JADE1: variants seen among roughly 807,000 people sequenced by gnomAD.
The protein encoded by JADE1 is protein Jade-1.
Under a neutral mutation model 81.8 loss-of-function variants are expected in JADE1, and 14 were observed. That is an observed-to-expected ratio of 0.17 (90% confidence interval 0.11 to 0.27). The LOEUF (loss-of-function observed/expected upper bound fraction) is 0.27, where lower values mean the gene tolerates loss of function less well. JADE1 is among the 10% of genes least tolerant of loss of function. The pLI is 1.00. For synonymous variants in JADE1, 353 were observed against 391.9 expected (o/e 0.90, Z 1.17); for missense variants, 690 against 1,047.9 (o/e 0.66, Z 4.71).
Position 128,855,887 on chromosome 4 carries a change from A to AC in JADE1, c.864+90_864+91insC, listed in dbSNP as rs1730753434. 13 of 1,162,878 alleles carry AC rather than the reference A, an allele frequency of 1.1e-5. No individual in the cohort carries two copies. The Admixed American group carries it at 3.2e-4, about 29-fold the overall frequency. The allele number at this position is 1,162,878 out of a possible 1,614,324, so 72.0% of individuals were successfully genotyped here. ...AGGCTGGAGTGCAGTGAGCTGGATC[A>AC]TGGCTCACTGCAGCCTTGACCTGCT... On this transcript the variant is annotated intron_variant, in intron 7 of 10. Transcript: ENST00000226319.
rs1474521868 is a variant in JADE1 at position 128,828,382 on chromosome 4, A to G, written c.-26-3351A>G. Among the ~76,000 whole-genome samples the G allele has an allele frequency of 2.0e-5, 3 of 152,316 alleles. No homozygotes were observed. The South Asian group carries it at 6.2e-4, about 32-fold the overall frequency. On this transcript the variant is annotated intron_variant, in intron 1 of 10. Transcript: ENST00000226319. ...CCACTGTATTGTGTAGCTGAAAGAT[A>G]GTAACATGTATTTTGATTTTCTGAT...
At position 128,871,368 on chromosome 4, in the gene JADE1, C is replaced by T. The variant is rs143814495; in HGVS notation, c.1635C>T (p.Ser545=). The part of the protein sequence containing the change: ...EQERVSGVPS[S]CSSSSLENML... The stretch of plus-strand genomic sequence containing the variant: ...TTATGTTTATAGGTGTGCCTTCTTC[C>T]TGCTCCTCCTCCTCACTGGAAAACA... The change falls in exon 11 of 11, where the codon TCC becomes TCT. Residue 545 remains serine, a synonymous_variant. Coordinates refer to ENST00000226319, the MANE Select transcript of JADE1 (RefSeq NM_199320.4). This position sits in a 1 kb window ranked among gnomAD's most constrained non-coding sequence, Gnocchi z 4.1. The T allele has an allele frequency of 4.3e-6, 7 of 1,612,760 alleles. No individual in the cohort carries two copies. Among genetic ancestry groups the T allele is most frequent in the Non-Finnish European group, 5.9e-6 (7 of 1,179,106 alleles).
chr4:128,862,751 G>A (rs1731452709), intron 9 of JADE1: 1 of 1,003,862 alleles, frequency 1.0e-6, no homozygotes, highest in Non-Finnish European at 1.2e-6. Context: ...TGTTTCTTGG[G>A]TAATTCACAG....
At chr4:128,840,866 A>G (rs949447474) in intron 2 of JADE1, among the ~76,000 whole-genome samples, 1 of 152,272 alleles carries the variant, frequency 6.6e-6, no homozygotes, top group Non-Finnish European at 1.5e-5. Flanking sequence ...GGCCACCAGC[A>G]GGAGCTCCAG....
At position 128,872,737 on chromosome 4, in the gene JADE1, C is replaced by T. The variant is rs916606688; in HGVS notation, c.*475C>T. The T allele has an allele frequency of 6.9e-6, 2 of 288,410 alleles. No individual in the cohort carries two copies. Among genetic ancestry groups the T allele is most frequent in the Non-Finnish European group, 1.4e-5 (2 of 140,506 alleles). The allele number at this position is 288,410 out of a possible 1,614,324, so 17.9% of individuals were successfully genotyped here. ...CTTGAAATCATATTTATATTTGGCC[C>T]TCAAGGCTATTTTTGTTGCATTATA... On this transcript the variant is annotated 3_prime_UTR_variant, in exon 11 of 11. Transcript: ENST00000226319.
At chr4:128,839,472 G>A (rs2125842555) in intron 2 of JADE1, among the ~76,000 whole-genome samples, 1 of 152,266 alleles carries the variant, frequency 6.6e-6, no homozygotes, top group East Asian at 1.9e-4. Context: ...GTGAGCCTCT[G>A]AGCCTCATAT....
At chr4:128,858,931 C>T (rs1298086405) in intron 8 of JADE1, among the ~76,000 whole-genome samples, 1 of 152,048 alleles carries the variant, frequency 6.6e-6, no homozygotes, top group East Asian at 1.9e-4. Context: ...TTTAACAAGC[C>T]AAGTGGTTCT....
In JADE1 at chr4:128,873,256, G is replaced by GAAAAAAAAAAAAAAAAAAAAAAAAAAAA. The variant is rs1296724284; in HGVS notation, c.*1010_*1011insAAAAAAAAAAAAAAAAAAAAAAAAAAAA. 1.7e-4 allele frequency: 5 copies of GAAAAAAAAAAAAAAAAAAAAAAAAAAAA among 28,622 alleles called. No homozygotes were observed. Among genetic ancestry groups the GAAAAAAAAAAAAAAAAAAAAAAAAAAAA allele is most frequent in the Non-Finnish European group, 3.0e-4 (4 of 13,446 alleles). The allele number at this position is 28,622 out of a possible 1,614,324, so 1.8% of individuals were successfully genotyped here. On this transcript the variant is annotated 3_prime_UTR_variant, in exon 11 of 11. Coordinates refer to ENST00000226319, the MANE Select transcript of JADE1 (RefSeq NM_199320.4). ...CATGAATGGATTCCTTAAGAAAAAG[G>GAAAAAAAAAAAAAAAAAAAAAAAAAAAA]AAAAAAAAAAAAAAAAGAAAAAAAG...
At chr4:128,822,483 C>T (rs537575892) in intron 1 of JADE1, among the ~76,000 whole-genome samples, 1 of 151,650 alleles carries the variant, frequency 6.6e-6, no homozygotes, top group Non-Finnish European at 1.5e-5. Flanking sequence ...GAGGCCGAGG[C>T]GGGTGGATCA....
intron 7 of JADE1, 66 bp downstream of exon 7, chr4:128,855,863 G>C: frequency 6.3e-6 from 9 of 1,421,736 alleles, no homozygotes; most frequent in Non-Finnish European, 8.6e-6. Flanking sequence ...CTGTCGCCCA[G>C]GCTGGAGTGC....
intron 1 of JADE1, among the ~76,000 whole-genome samples, chr4:128,823,753 A>T (rs1260150810): frequency 6.6e-6 from 1 of 152,202 alleles, no homozygotes; most frequent in African/African-American, 2.4e-5. Context: ...ATAACCCTTT[A>T]GTTAAATTGA....
At chr4:128,821,667 C>T (rs1182626555) in intron 1 of JADE1, among the ~76,000 whole-genome samples, 1 of 151,912 alleles carries the variant, frequency 6.6e-6, no homozygotes, top group Non-Finnish European at 1.5e-5. Context: ...ATTACAGGTG[C>T]CTGCCACCAT....
chr4:128,820,856 T>A (rs1184948836), intron 1 of JADE1, among the ~76,000 whole-genome samples: 1 of 152,338 alleles, frequency 6.6e-6, no homozygotes, highest in East Asian at 1.9e-4. Flanking sequence ...GTCTGGTTTC[T>A]GCAGAAGCTG....
At chr4:128,822,308 AC>A (rs1315877946) in intron 1 of JADE1, among the ~76,000 whole-genome samples, 1 of 151,558 alleles carries the variant, frequency 6.6e-6, no homozygotes, top group Non-Finnish European at 1.5e-5. Context: ...CGGAGTTTGC[AC>A]TTAGCAGAGA....
At chr4:128,860,459 C>T (rs1440993824) in intron 8 of JADE1, among the ~76,000 whole-genome samples, 2 of 152,168 alleles carry the variant, frequency 1.3e-5, no homozygotes, top group Non-Finnish European at 2.9e-5. Context: ...CTAGCCTCTG[C>T]CATCCTTGGT....
At chr4:128,817,031 G>A (rs57155398) in intron 1 of JADE1, among the ~76,000 whole-genome samples, 1 of 151,906 alleles carries the variant, frequency 6.6e-6, no homozygotes, top group African/African-American at 2.4e-5. Context: ...TCTAATTTTT[G>A]TATTTTTAGT....
At chr4:128,848,732 G>A (rs1196820931) in intron 4 of JADE1, among the ~76,000 whole-genome samples, 3 of 152,248 alleles carry the variant, frequency 2.0e-5, no homozygotes, top group Non-Finnish European at 4.4e-5. Flanking sequence ...GGTGGGCAGG[G>A]CACAGCAGGG....
chr4:128,862,435 G>T, intron 9 of JADE1: 8 of 1,375,470 alleles, frequency 5.8e-6, no homozygotes, highest in South Asian at 1.8e-5. Flanking sequence ...GAGCTTCTTT[G>T]TGGTTTTTTT....
intron 1 of JADE1, among the ~76,000 whole-genome samples, chr4:128,813,074 GT>G (rs1212362250): frequency 1.3e-5 from 2 of 152,186 alleles, no homozygotes; most frequent in Non-Finnish European, 2.9e-5. Flanking sequence ...TAATGAACTA[GT>G]TTTAAGATAG....
Sources: gnomAD v4.1 joint callset for allele counts (sites outside exome capture counted in the v4.1 genomes callset) on GRCh38, gnomAD v4.1.1 for gene constraint, Gnocchi (gnomAD v3.1) non-coding constraint, MANE v1.5 for transcripts, NCBI Gene and HGNC (gene_info 2026-07-23, HGNC 2026-07-21) for gene names.